The following FGF13 variants were observed in gnomAD, a reference collection of about 807,000 sequenced individuals.
FGF13 encodes the protein fibroblast growth factor 13, also known as fibroblast growth factor homologous factor 2.
In FGF13, 2 loss-of-function variants were observed where a neutral mutation model predicts 19.5. The ratio of observed to expected loss-of-function variants is 0.10; its 90% confidence interval spans 0.04 to 0.32. FGF13 has a LOEUF of 0.32. FGF13 is among the 10% of genes least tolerant of loss of function. The pLI is 1.00. For missense variants in FGF13, 113 were observed against 192.7 expected, an observed-to-expected ratio of 0.59 and a Z score of 2.45; for synonymous variants, 72 against 76.9, an observed-to-expected ratio of 0.94 and a Z score of 0.33.
At chrX:138,635,376 A>G in intron 4 of FGF13, 81 bp downstream of exon 4, 1 of 1,017,238 alleles carries the variant, frequency 9.8e-7, no homozygotes, top group Non-Finnish European at 1.3e-6. Context: ...AACCACCTGT[A>G]CCCCCAAAAC....
intron 1 of FGF13, among the ~76,000 whole-genome samples, chrX:138,735,573 T>G (rs1285081076): frequency 8.9e-6 from 1 of 112,196 alleles, no homozygotes; most frequent in African/African-American, 3.2e-5. Flanking sequence ...ATGAAGTTTT[T>G]AAAAATTCTA....
At chrX:139,162,154 C>A (rs944794300) in intron 1 of FGF13, among the ~76,000 whole-genome samples, 1 of 112,324 alleles carries the variant, frequency 8.9e-6, no homozygotes, top group African/African-American at 3.2e-5. Flanking sequence ...AACTACACTA[C>A]AAGGCTACAG....
chrX:139,202,767 G>A (rs1321906657), intron 1 of FGF13, among the ~76,000 whole-genome samples: 1 of 111,476 alleles, frequency 9.0e-6, no homozygotes, highest in East Asian at 2.8e-4. Flanking sequence ...ATAGAGAAAG[G>A]AGTGGGAGTG....
At chrX:138,935,699 G>A (rs955375416) in intron 1 of FGF13, among the ~76,000 whole-genome samples, 1 of 111,250 alleles carries the variant, frequency 9.0e-6, no homozygotes, top group African/African-American at 3.3e-5. Flanking sequence ...TTTAACACAT[G>A]TGTAGATCTG....
At chrX:138,827,996 G>C (rs1202193699) in intron 3 of FGF13, among the ~76,000 whole-genome samples, 1 of 111,491 alleles carries the variant, frequency 9.0e-6, no homozygotes, top group Non-Finnish European at 1.9e-5. Context: ...TTTAATTCTA[G>C]TGGAATGTTC....
intron 1 of FGF13, chrX:138,864,736 G>T (rs545307638): frequency 8.9e-6 from 1 of 112,477 alleles, no homozygotes; most frequent in South Asian, 3.7e-4. Flanking sequence ...TTCTGCCCCT[G>T]CATGAATGAC....
chrX:139,043,837 A>G (rs779696982), intron 1 of FGF13, among the ~76,000 whole-genome samples: 1 of 112,375 alleles, frequency 8.9e-6, no homozygotes, highest in Non-Finnish European at 1.9e-5. Context: ...ACTCTTGGAA[A>G]CATTTTGCTA....
intron 3 of FGF13, among the ~76,000 whole-genome samples, chrX:138,806,188 T>C (rs190004816): frequency 1.8e-5 from 2 of 112,233 alleles, no homozygotes; most frequent in Non-Finnish European, 3.8e-5. Context: ...TTTTCTGCTA[T>C]ATAACTTACC....
At chrX:138,812,828 G>T (rs113938541) in intron 3 of FGF13, among the ~76,000 whole-genome samples, 1 of 109,849 alleles carries the variant, frequency 9.1e-6, no homozygotes, top group Non-Finnish European at 1.9e-5. Context: ...CTATTGACCC[G>T]TCTTCTAAGT....
chrX:138,627,099 TTC>T lies in FGF13; in HGVS notation c.*5749_*5750del, dbSNP rs1263620727. The T allele has an allele frequency of 1.8e-5, 2 of 111,551 alleles. No individual in the cohort carries two copies. The highest frequency in any genetic ancestry group is 9.6e-5 in the Admixed American group (1 of 10,459). 9.2% of individuals were successfully genotyped at this position (111,551 alleles called of 1,213,427 possible). A position where few individuals can be genotyped will look rare whatever the true frequency, so the allele number is the denominator to read the frequency against. On this transcript the variant is annotated 3_prime_UTR_variant, in exon 5 of 5. Coordinates refer to ENST00000315930, the MANE Select transcript of FGF13 (RefSeq NM_004114.5). Reference sequence around the variant, plus strand: ...ATTAATCGCAGTAAGGAAAGAAAAATTCTCTGTTACTAAACCCCAGAATATCT... The same window carrying T: ...ATTAATCGCAGTAAGGAAAGAAAAATTCTGTTACTAAACCCCAGAATATCT...
At chrX:139,042,199 C>T (rs936375435) in intron 1 of FGF13, among the ~76,000 whole-genome samples, 1 of 112,131 alleles carries the variant, frequency 8.9e-6, no homozygotes, top group African/African-American at 3.3e-5. Flanking sequence ...CAGAGCTATG[C>T]TGTCTATAGA....
intron 1 of FGF13, among the ~76,000 whole-genome samples, chrX:139,065,884 A>G (rs1209981479): frequency 3.6e-5 from 4 of 111,732 alleles, no homozygotes; most frequent in Non-Finnish European, 7.5e-5. Context: ...TCTCAGCACC[A>G]CATCGCACTT....
At chrX:138,987,642 A>G (rs923897781) in intron 1 of FGF13, among the ~76,000 whole-genome samples, 1 of 112,131 alleles carries the variant, frequency 8.9e-6, no homozygotes, top group Non-Finnish European at 1.9e-5. Flanking sequence ...AAAAATGTTA[A>G]CACTGGAAAA....
chrX:138,714,331 T>C, upstream of FGF13: 1 of 112,098 alleles, frequency 8.9e-6, no homozygotes, highest in East Asian at 2.8e-4. Context: ...ATCATATTGC[T>C]CAATGAACTT....
intron 3 of FGF13, among the ~76,000 whole-genome samples, chrX:138,698,946 T>C (rs777166268): frequency 1.8e-5 from 2 of 111,823 alleles, no homozygotes; most frequent in South Asian, 7.6e-4. Context: ...AAAACTTTAT[T>C]TTCATAAACA....
intron 3 of FGF13, among the ~76,000 whole-genome samples, chrX:138,766,136 A>C (rs1378373731): frequency 3.6e-5 from 4 of 112,309 alleles, no homozygotes; most frequent in Non-Finnish European, 7.5e-5. Context: ...ATTTGACACC[A>C]ATACTTACAT....
At chrX:139,178,443 T>C (rs932788025) in intron 1 of FGF13, among the ~76,000 whole-genome samples, 1 of 112,320 alleles carries the variant, frequency 8.9e-6, no homozygotes. Flanking sequence ...TCAGGTCTAA[T>C]AGCCTCAGAG....
intron 1 of FGF13, among the ~76,000 whole-genome samples, chrX:138,928,775 A>C (rs955538277): frequency 8.9e-6 from 1 of 111,743 alleles, no homozygotes; most frequent in Non-Finnish European, 1.9e-5. Flanking sequence ...GCCAGTCAGA[A>C]TGTGCCTCAA....
At chrX:138,700,394 G>T (rs1477965323) in intron 3 of FGF13, among the ~76,000 whole-genome samples, 1 of 111,667 alleles carries the variant, frequency 9.0e-6, no homozygotes, top group Non-Finnish European at 1.9e-5. Context: ...TTACGCAAGG[G>T]AAGAGTGATC....
Sources: gnomAD v4.1 joint callset for allele counts (sites outside exome capture counted in the v4.1 genomes callset) on GRCh38, gnomAD v4.1.1 for gene constraint, MANE v1.5 for transcripts, NCBI Gene and HGNC (gene_info 2026-07-23, HGNC 2026-07-21) for gene names.